RADIL: variants seen among roughly 807,000 people sequenced by gnomAD.
RADIL encodes Rap associating with DIL domain.
RADIL carries 99 observed loss-of-function variants against 97.6 expected under a neutral mutation model. The observed-to-expected ratio is 1.01, with a 90% CI of 0.86 to 1.20. The LOEUF is 1.20. Among genes scored for constraint, RADIL ranks in the 50% most tolerant of loss-of-function variants. The pLI, the probability that RADIL is intolerant of heterozygous loss-of-function variation, is 0.00. For missense variants in RADIL, 1,765 were observed against 1,498.9 expected (o/e 1.18, Z -2.93); for synonymous variants, 803 against 691.8 (o/e 1.16, Z -2.52).
At position 4,817,268 on chromosome 7, in the gene RADIL, A is replaced by AG; in HGVS notation, c.1698dup (p.Phe567LeufsTer31). The AG allele has an allele frequency of 6.2e-7, 1 of 1,612,662 alleles. No homozygotes were observed. The highest frequency in any genetic ancestry group is 8.5e-7 in the Non-Finnish European group (1 of 1,179,658). On this transcript the variant is annotated frameshift_variant, in exon 7 of 15. Transcript: ENST00000399583. LOFTEE classifies it high-confidence loss of function. This position sits in a 1 kb window ranked among gnomAD's most constrained non-coding sequence, Gnocchi z 8.3. ...GAGACATAGTAGACGCACTGCTGGA[A>AG]GGCGTACAGCACCACCTCCTCCAGC...
In RADIL at chr7:4,873,186, G is replaced by A. The variant is rs766231749; in HGVS notation, c.535+4419C>T. ...GACTTCAATTGATCTGCCTGCCTCG[G>A]CCTCCCAAAGTGCTGGGATTACACG... On this transcript the variant is annotated intron_variant, in intron 2 of 14. Transcript: ENST00000399583. The surrounding 1 kb of genome is among the most constrained non-coding windows in gnomAD (Gnocchi z 4.3). Among the ~76,000 whole-genome samples the A allele has an allele frequency of 6.6e-6, 1 of 152,182 alleles. No homozygotes were observed. Among genetic ancestry groups the A allele is most frequent in the Non-Finnish European group, 1.5e-5 (1 of 68,032 alleles).
chr7:4,881,605 TA>T (rs1471941248), intron 1 of RADIL, among the ~76,000 whole-genome samples: 2 of 151,012 alleles, frequency 1.3e-5, no homozygotes, highest in African/African-American at 4.9e-5. Flanking sequence ...CGGGTGCCTG[TA>T]ACCCCAGCTA....
rs1782855577 is a variant in RADIL, at chr7:4,822,319, G to C, written c.1615+75C>G. 6.8e-7 allele frequency: 1 copy of C among 1,475,038 alleles called. No individual in the cohort carries two copies. Among genetic ancestry groups the C allele is most frequent in the Non-Finnish European group, 9.1e-7 (1 of 1,098,986 alleles). 91.4% of individuals were successfully genotyped at this position (1,475,038 alleles called of 1,614,324 possible). A position where few individuals can be genotyped will look rare whatever the true frequency, so the allele number is the denominator to read the frequency against. On this transcript the variant is annotated intron_variant, in intron 6 of 14. Transcript: ENST00000399583. This position sits in a 1 kb window ranked among gnomAD's most constrained non-coding sequence, Gnocchi z 5.3. ...CTGCTATCATGGCCAACTAGGTTCCGAGGACGGCGAGGAGATGCCACACTC... is the reference window on the plus strand; with the variant it reads ...CTGCTATCATGGCCAACTAGGTTCCCAGGACGGCGAGGAGATGCCACACTC...
rs571526787 is a variant in RADIL, at chr7:4,865,616, A to T, written c.535+11989T>A. On this transcript the variant is annotated intron_variant, in intron 2 of 14. Coordinates refer to ENST00000399583, the MANE Select transcript of RADIL (RefSeq NM_018059.5). ...AGTGATCTTGCTCTTGCTCCTTTCGATGGTCACCACCCCTCCACCAAGGTT... is the reference window on the plus strand; with the variant it reads ...AGTGATCTTGCTCTTGCTCCTTTCGTTGGTCACCACCCCTCCACCAAGGTT... 3 of 831,068 alleles carry T rather than the reference A, an allele frequency of 3.6e-6. No homozygotes were observed. In the South Asian group the frequency reaches 4.0e-5, roughly 11 times the overall value. 51.5% of individuals were successfully genotyped at this position (831,068 alleles called of 1,614,324 possible). A position where few individuals can be genotyped will look rare whatever the true frequency, so the allele number is the denominator to read the frequency against.
chr7:4,806,253 G>C (rs574261582), intron 9 of RADIL, among the ~76,000 whole-genome samples: 1 of 152,144 alleles, frequency 6.6e-6, no homozygotes, highest in Non-Finnish European at 1.5e-5. Flanking sequence ...AGGATCAAGC[G>C]ATCCTCCCAC....
intron 9 of RADIL, among the ~76,000 whole-genome samples, chr7:4,812,280 A>C (rs1435008176): frequency 6.6e-6 from 1 of 152,130 alleles, no homozygotes; most frequent in Admixed American, 6.5e-5. Context: ...ATTTCATCTA[A>C]ATTGTCAAAT....
chr7:4,882,394 G>A (rs890881351), intron 1 of RADIL, among the ~76,000 whole-genome samples: 1 of 152,238 alleles, frequency 6.6e-6, no homozygotes, highest in African/African-American at 2.4e-5. Context: ...AATACTTGGG[G>A]AAAGCGCAGG....
Position 4,873,283 on chromosome 7 carries a change from T to C in RADIL, c.535+4322A>G, listed in dbSNP as rs972645018. Among the ~76,000 whole-genome samples the C allele has an allele frequency of 6.6e-6, 1 of 152,092 alleles. No individual in the cohort carries two copies. Among genetic ancestry groups the C allele is most frequent in the Non-Finnish European group, 1.5e-5 (1 of 68,028 alleles). Reference sequence around the variant, plus strand: ...ATGGGAAATTATTGAAAAACAGTGTTACAGTGTTGAGCAACCTGGGGCTGG... The same window carrying C: ...ATGGGAAATTATTGAAAAACAGTGTCACAGTGTTGAGCAACCTGGGGCTGG... On this transcript the variant is annotated intron_variant, in intron 2 of 14. Coordinates refer to ENST00000399583, the MANE Select transcript of RADIL (RefSeq NM_018059.5). This position sits in a 1 kb window ranked among gnomAD's most constrained non-coding sequence, Gnocchi z 4.3.
In RADIL at chr7:4,801,728, C is replaced by T. The variant is rs780761999; in HGVS notation, c.2767G>A (p.Gly923Ser). ...GGGAGCGCTTTTCCACAGGGGCCGCCGGACTCTGGCCAGTCGGGGTCCCCA... is the reference window on the plus strand; with the variant it reads ...GGGAGCGCTTTTCCACAGGGGCCGCTGGACTCTGGCCAGTCGGGGTCCCCA... Reference protein sequence around the residue: ...EPGDPDWPESGGPCGKALPER... With the variant: ...EPGDPDWPESSGPCGKALPER... The change falls in exon 12 of 15, where the codon GGC (glycine) becomes AGC (serine). Residue 923 changes from glycine to serine, a missense_variant. Gly to Ser is a moderately conservative substitution (Grantham distance 56, BLOSUM62 0). Transcript: ENST00000399583. The T allele has an allele frequency of 5.0e-5, 80 of 1,610,198 alleles. 1 individual carries two copies. Among genetic ancestry groups the T allele is most frequent in the Non-Finnish European group, 6.1e-5 (72 of 1,179,050 alleles).
At chr7:4,848,261 TC>T (rs1264726445) in intron 2 of RADIL, among the ~76,000 whole-genome samples, 4 of 150,686 alleles carry the variant, frequency 2.7e-5, no homozygotes, top group African/African-American at 9.8e-5. Context: ...ATGATGATGA[TC>T]ACACAACTTT....
At chr7:4,801,515 C>G (rs1782083278) in intron 12 of RADIL, 138 bp downstream of exon 12, 15 of 934,650 alleles carry the variant, frequency 1.6e-5, no homozygotes, top group Non-Finnish European at 2.3e-5. Context: ...CCATCTGGCC[C>G]CGTCTCAGGT....
Position 4,803,707 on chromosome 7 carries a change from T to C in RADIL, c.2338A>G (p.Ser780Gly). The C allele has an allele frequency of 6.4e-7, 1 of 1,567,912 alleles. No individual in the cohort carries two copies. The highest frequency in any genetic ancestry group is 1.9e-5 in the Admixed American group (1 of 53,242). ...TCCAAGTCCACCTGGAAGCCGTCGC[T>C]GGGCAGGACGATGGGTGGGGGGTTT... ...YENPPPIVLP[S>G]DGFQVDLEAN... The change falls in exon 11 of 15, where the codon AGC (serine) becomes GGC (glycine). Residue 780 changes from serine to glycine, a missense_variant. Transcript: ENST00000399583.
chr7:4,836,595 G>A lies in RADIL; in HGVS notation c.546C>T (p.Ala182=), dbSNP rs1475639660. The A allele has an allele frequency of 6.2e-7, 1 of 1,607,140 alleles. No individual in the cohort carries two copies. The highest frequency in any genetic ancestry group is 2.2e-5 in the East Asian group (1 of 44,862). The part of the protein sequence containing the change: ...EVDTITAGIN[A]QARRLQRSRA... The stretch of plus-strand genomic sequence containing the variant: ...GACTCCGCTGCAGCCTCCGGGCCTG[G>A]GCGTTTATCCCTGGAACAGAAGCAA... The change falls in exon 3 of 15, where the codon GCC becomes GCT. Residue 182 remains alanine (A), a synonymous_variant. Coordinates refer to ENST00000399583, the MANE Select transcript of RADIL (RefSeq NM_018059.5).
intron 2 of RADIL, among the ~76,000 whole-genome samples, chr7:4,851,389 G>A (rs1783705609): frequency 1.3e-5 from 2 of 152,130 alleles, no homozygotes; most frequent in Admixed American, 6.6e-5. Flanking sequence ...TAGGAAATGT[G>A]CACAGTAAAG....
intron 2 of RADIL, among the ~76,000 whole-genome samples, chr7:4,839,565 A>G (rs1783391378): frequency 6.6e-6 from 1 of 152,162 alleles, no homozygotes; most frequent in Admixed American, 6.5e-5. Context: ...GCCAGTATGT[A>G]ACAGAATATA....
At chr7:4,860,057 C>T (rs1240981485) in intron 2 of RADIL, 3 of 1,614,036 alleles carry the variant, frequency 1.9e-6, no homozygotes, top group African/African-American at 1.3e-5. Flanking sequence ...AACCCCTGAA[C>T]TTTCATTGGT....
chr7:4,807,520 C>T (rs575459818), intron 9 of RADIL, among the ~76,000 whole-genome samples: 6 of 135,972 alleles, frequency 4.4e-5, no homozygotes, highest in Non-Finnish European at 6.3e-5. Context: ...CCTCCCTCTC[C>T]GTCTCCCCTC....
Position 4,815,300 on chromosome 7 carries a change from G to A in RADIL, c.2117C>T (p.Thr706Ile). The change falls in exon 9 of 15, where the codon ACA (threonine) becomes ATA (isoleucine). Residue 706 changes from threonine (T) to isoleucine (I), a missense_variant. Physicochemically the swap from Thr to Ile is moderately conservative, Grantham distance 89 (BLOSUM62 -1). Coordinates refer to ENST00000399583, the MANE Select transcript of RADIL (RefSeq NM_018059.5). This position sits in a 1 kb window ranked among gnomAD's most constrained non-coding sequence, Gnocchi z 8.0. ...KLSCTLNLLA[T>I]PRAQLIQMSW... is the part of the protein sequence containing the mutation. ...TACCTGGATGAGCTGGGCCCTGGGT[G>A]TGGCCAGCAGGTTGAGGGTGCAGGA... 1 of 1,562,074 alleles carries A rather than the reference G, an allele frequency of 6.4e-7. No individual in the cohort carries two copies. The highest frequency in any genetic ancestry group is 2.4e-5 in the East Asian group (1 of 42,098).
chr7:4,799,374 C>A lies in RADIL; in HGVS notation c.*4G>T. 6.2e-7 allele frequency: 1 copy of A among 1,613,522 alleles called. No homozygotes were observed. The highest frequency in any genetic ancestry group is 8.5e-7 in the Non-Finnish European group (1 of 1,179,902). ...GGGCCTGTGGGGGTGTCCTCGCAGCCCCCCTAGAGAGGGGGCGTGCGGAAA... is the reference window on the plus strand; with the variant it reads ...GGGCCTGTGGGGGTGTCCTCGCAGCACCCCTAGAGAGGGGGCGTGCGGAAA... On this transcript the variant is annotated 3_prime_UTR_variant, in exon 15 of 15. Coordinates refer to ENST00000399583, the MANE Select transcript of RADIL (RefSeq NM_018059.5).
Sources: allele counts gnomAD v4.1 joint callset (sites outside exome capture counted in the v4.1 genomes callset), GRCh38; gene constraint gnomAD v4.1.1; non-coding constraint Gnocchi (gnomAD v3.1); transcripts MANE v1.5; gene names NCBI Gene and HGNC (gene_info 2026-07-23, HGNC 2026-07-21).